CIMIP5: variants seen among roughly 807,000 people sequenced by gnomAD.
CIMIP5 encodes ciliary microtubule inner protein 5.
chr2:11,135,052 TAAC>T, the CIMIP5 span, among the ~76,000 whole-genome samples: 1 of 152,112 alleles, frequency 6.6e-6, no homozygotes, highest in Non-Finnish European at 1.5e-5. Context: ...AGGTTCTTTT[TAAC>T]AACCAGCTCT....
At chr2:11,134,898 C>T in the CIMIP5 span, among the ~76,000 whole-genome samples, 2 of 152,202 alleles carry the variant, frequency 1.3e-5, no homozygotes, top group East Asian at 1.9e-4. Context: ...GCAGGCTGTA[C>T]GAGCATAGTC....
the CIMIP5 span, among the ~76,000 whole-genome samples, chr2:11,152,293 C>CA: frequency 9.2e-5 from 14 of 152,242 alleles, no homozygotes; most frequent in Admixed American, 3.9e-4. Flanking sequence ...CAAAGGCAGA[C>CA]AGGTCCCAAG....
At chr2:11,144,061 A>G in the CIMIP5 span, 4 of 1,600,212 alleles carry the variant, frequency 2.5e-6, no homozygotes, top group Admixed American at 6.9e-5. Context: ...CTTCTTCTTC[A>G]CAGAAGGGGC....
chr2:11,133,360 T>C, the CIMIP5 span: 2 of 1,605,672 alleles, frequency 1.2e-6, no homozygotes, highest in Non-Finnish European at 1.7e-6. Context: ...ACCCCTGGGC[T>C]CCAGAGAACC....
chr2:11,148,009 A>G, the CIMIP5 span, among the ~76,000 whole-genome samples: 5 of 152,266 alleles, frequency 3.3e-5, no homozygotes, highest in Admixed American at 2.0e-4. Flanking sequence ...GGCATTACCT[A>G]TAAAGAGATG....
chr2:11,148,341 TC>T, the CIMIP5 span, among the ~76,000 whole-genome samples: 1 of 152,056 alleles, frequency 6.6e-6, no homozygotes, highest in Non-Finnish European at 1.5e-5. Context: ...GTTCTCAAAC[TC>T]CCGACCTCAG....
At chr2:11,150,247 T>C in the CIMIP5 span, among the ~76,000 whole-genome samples, 1 of 151,390 alleles carries the variant, frequency 6.6e-6, no homozygotes, top group Admixed American at 6.6e-5. Context: ...CCGAAAGCCC[T>C]TGTTCTTAGG....
At chr2:11,133,444 T>A in the CIMIP5 span, 1 of 1,610,514 alleles carries the variant, frequency 6.2e-7, no homozygotes, top group South Asian at 1.1e-5. Context: ...GGTGGCCCTA[T>A]GGCCAGCAGG....
At chr2:11,153,378 C>G in the CIMIP5 span, among the ~76,000 whole-genome samples, 1 of 152,036 alleles carries the variant, frequency 6.6e-6, no homozygotes, top group African/African-American at 2.4e-5. Flanking sequence ...CAAGTGCTAG[C>G]GCAGGCTGAC....
chr2:11,134,127 A>T, the CIMIP5 span, among the ~76,000 whole-genome samples: 1 of 152,168 alleles, frequency 6.6e-6, no homozygotes, highest in East Asian at 1.9e-4. Flanking sequence ...AGAAGGAAAC[A>T]GTTCAGGGTC....
chr2:11,136,855 C>A, the CIMIP5 span, among the ~76,000 whole-genome samples: 1 of 152,054 alleles, frequency 6.6e-6, no homozygotes. Flanking sequence ...TCAGAAGAGG[C>A]GAGGATGCAG....
chr2:11,148,221 G>A, the CIMIP5 span, among the ~76,000 whole-genome samples: 2,573 of 151,726 alleles, frequency 0.017, 81 homozygotes, highest in African/African-American at 0.057. Flanking sequence ...AGGTTCAAGC[G>A]ATTCTCCTGC....
the CIMIP5 span, among the ~76,000 whole-genome samples, chr2:11,152,724 C>T: frequency 6.6e-6 from 1 of 152,084 alleles, no homozygotes; most frequent in African/African-American, 2.4e-5. Context: ...CACTCCCCAA[C>T]CTCCTGAAGG....
chr2:11,142,877 C>T, the CIMIP5 span, among the ~76,000 whole-genome samples: 1 of 151,854 alleles, frequency 6.6e-6, no homozygotes, highest in Admixed American at 6.6e-5. Flanking sequence ...CGTGCCCCCA[C>T]ACCCAACTAA....
At chr2:11,151,105 A>G in the CIMIP5 span, among the ~76,000 whole-genome samples, 240 of 152,292 alleles carry the variant, frequency 1.6e-3, 3 homozygotes, top group Non-Finnish European at 1.9e-3. Context: ...CAAGGACTCA[A>G]AAGAATGCAA....
At chr2:11,153,169 G>C in the CIMIP5 span, among the ~76,000 whole-genome samples, 1 of 152,140 alleles carries the variant, frequency 6.6e-6, no homozygotes, top group Non-Finnish European at 1.5e-5. Context: ...TGGTCTTCAC[G>C]CAAAGTAGCC....
the CIMIP5 span, chr2:11,133,443 A>G: frequency 5.0e-6 from 8 of 1,610,350 alleles, no homozygotes; most frequent in South Asian, 7.7e-5. Context: ...GGGTGGCCCT[A>G]TGGCCAGCAG....
the CIMIP5 span, among the ~76,000 whole-genome samples, chr2:11,134,258 A>G: frequency 6.6e-6 from 1 of 152,192 alleles, no homozygotes; most frequent in African/African-American, 2.4e-5. Flanking sequence ...CGTGTAGCTG[A>G]GGCACAGGGA....
chr2:11,149,486 G>A, the CIMIP5 span, among the ~76,000 whole-genome samples: 2 of 151,864 alleles, frequency 1.3e-5, no homozygotes, highest in Non-Finnish European at 2.9e-5. Flanking sequence ...TAAAAGTATC[G>A]CTTGAGCTCA....
Sources: allele counts gnomAD v4.1 joint callset (sites outside exome capture counted in the v4.1 genomes callset), GRCh38; gene constraint gnomAD v4.1.1; transcripts MANE v1.5; gene names NCBI Gene and HGNC (gene_info 2026-07-23, HGNC 2026-07-21).